The following PBX3 variants were observed in gnomAD, a reference collection of about 807,000 sequenced individuals.
The protein encoded by PBX3 is pre-B-cell leukemia transcription factor 3.
A neutral mutation model predicts 48.5 loss-of-function variants in PBX3; 14 were observed. The ratio of observed to expected loss-of-function variants is 0.29; its 90% CI spans 0.19 to 0.45. The LOEUF is 0.45. Ranked by LOEUF, PBX3 falls within the 20% of genes least tolerant of loss-of-function variation. The pLI is 1.00. For missense variants in PBX3, 386 were observed against 546.7 expected, an observed-to-expected ratio of 0.71 and a Z score of 2.93; for synonymous variants, 210 against 200.3, an observed-to-expected ratio of 1.05 and a Z score of -0.41.
chr9:125,882,334 A>G (rs1840401294), intron 2 of PBX3, among the ~76,000 whole-genome samples: 1 of 150,584 alleles, frequency 6.6e-6, no homozygotes, highest in Non-Finnish European at 1.5e-5. Context: ...TAGAAATCTA[A>G]TGTTACAGAG....
At chr9:125,872,201 A>C (rs1221671646) in intron 2 of PBX3, among the ~76,000 whole-genome samples, 1 of 152,240 alleles carries the variant, frequency 6.6e-6, no homozygotes, top group Non-Finnish European at 1.5e-5. Context: ...CAGGGCAAAT[A>C]GAAAGTATAA....
chr9:125,776,089 T>C (rs1182912627), intron 2 of PBX3, among the ~76,000 whole-genome samples: 1 of 152,234 alleles, frequency 6.6e-6, no homozygotes, highest in Non-Finnish European at 1.5e-5. Flanking sequence ...TTATTTCTTC[T>C]TCTTTCCTCA....
chr9:125,765,838 TTGTG>T (rs1836789437), intron 2 of PBX3, among the ~76,000 whole-genome samples: 1 of 152,226 alleles, frequency 6.6e-6, no homozygotes, highest in East Asian at 1.9e-4. Flanking sequence ...AAAGAAGAGT[TTGTG>T]TGGGTATAAG....
At chr9:125,854,528 G>A (rs1319939488) in intron 2 of PBX3, among the ~76,000 whole-genome samples, 1 of 152,112 alleles carries the variant, frequency 6.6e-6, no homozygotes, top group African/African-American at 2.4e-5. Context: ...AGAATTGTTA[G>A]TGAAAAGGCC....
intron 2 of PBX3, among the ~76,000 whole-genome samples, chr9:125,900,433 T>C (rs1292832718): frequency 6.6e-6 from 1 of 151,636 alleles, no homozygotes; most frequent in African/African-American, 2.4e-5. Flanking sequence ...GAATAGTGAA[T>C]TACCTTTAAG....
chr9:125,764,247 T>C (rs1020156760), intron 2 of PBX3, among the ~76,000 whole-genome samples: 6 of 152,236 alleles, frequency 3.9e-5, no homozygotes, highest in African/African-American at 1.4e-4. Context: ...TCAGCAGCTT[T>C]CTTAGCCATT....
At chr9:125,866,787 A>G (rs1391303341) in intron 2 of PBX3, among the ~76,000 whole-genome samples, 1 of 152,218 alleles carries the variant, frequency 6.6e-6, no homozygotes, top group Non-Finnish European at 1.5e-5. Flanking sequence ...AATGTCAACA[A>G]TGATTTTTCT....
At chr9:125,754,523 A>G (rs988918526) in intron 2 of PBX3, among the ~76,000 whole-genome samples, 13 of 152,248 alleles carry the variant, frequency 8.5e-5, no homozygotes, top group Non-Finnish European at 1.3e-4. Flanking sequence ...TGCTATATTT[A>G]GCAAATAATA....
intron 2 of PBX3, among the ~76,000 whole-genome samples, chr9:125,808,892 A>G (rs1368296516): frequency 1.3e-5 from 2 of 152,116 alleles, no homozygotes; most frequent in African/African-American, 2.4e-5. Context: ...ACTGTAACTC[A>G]TGTCTTAACG....
intron 7 of PBX3, 60 bp downstream of exon 7, chr9:125,962,274 T>C: frequency 1.1e-6 from 1 of 942,918 alleles, no homozygotes; most frequent in Non-Finnish European, 1.7e-6. Context: ...TCAAAACTCC[T>C]TCCTCTGACC....
chr9:125,780,906 C>T (rs531412243), intron 2 of PBX3, among the ~76,000 whole-genome samples: 1 of 144,850 alleles, frequency 6.9e-6, no homozygotes, highest in South Asian at 2.3e-4. Flanking sequence ...GGAGGGTCTC[C>T]TCACTTCTCA....
chr9:125,752,778 A>G lies in PBX3; in HGVS notation c.274+4155A>G, dbSNP rs76658583. On this transcript the variant is annotated intron_variant, in intron 2 of 8. Transcript: ENST00000373489. ...GCAAGAAAGGTGAAAATTGTTATAT[A>G]TTAGTCTAAATGTTATTATATATTT... 3.2e-3 allele frequency among the ~76,000 whole-genome samples: 485 copies of G among 152,314 alleles called. 3 individuals carry two copies. The highest frequency in any genetic ancestry group is 6.4e-3 in the African/African-American group (268 of 41,572).
intron 2 of PBX3, among the ~76,000 whole-genome samples, chr9:125,887,452 A>G (rs192014365): frequency 2.0e-5 from 3 of 152,312 alleles, no homozygotes; most frequent in Admixed American, 6.5e-5. Flanking sequence ...AAAATAAACT[A>G]TGGAATGCTG....
At chr9:125,902,615 A>G (rs548498617) in intron 2 of PBX3, among the ~76,000 whole-genome samples, 6 of 151,750 alleles carry the variant, frequency 4.0e-5, no homozygotes, top group Non-Finnish European at 7.4e-5. Context: ...ATTGATGAAA[A>G]TATTTCAATA....
intron 3 of PBX3, among the ~76,000 whole-genome samples, chr9:125,918,406 A>AT (rs1451695787): frequency 6.6e-6 from 1 of 152,146 alleles, no homozygotes; most frequent in Non-Finnish European, 1.5e-5. Context: ...TTGGCTTTTA[A>AT]AATATACATG....
At chr9:125,824,302 T>C (rs1395580487) in intron 2 of PBX3, among the ~76,000 whole-genome samples, 5 of 152,244 alleles carry the variant, frequency 3.3e-5, no homozygotes, top group Non-Finnish European at 5.9e-5. Flanking sequence ...TGTGAGTCTC[T>C]GTACCTGTTG....
intron 2 of PBX3, among the ~76,000 whole-genome samples, chr9:125,849,684 T>A (rs764667878): frequency 6.6e-6 from 1 of 151,950 alleles, no homozygotes; most frequent in Non-Finnish European, 1.5e-5. Context: ...TGATGAGTCT[T>A]AGATTTGATG....
At chr9:125,766,683 A>G (rs1460048443) in intron 2 of PBX3, among the ~76,000 whole-genome samples, 1 of 152,104 alleles carries the variant, frequency 6.6e-6, no homozygotes, top group African/African-American at 2.4e-5. Context: ...TTGACTCTCA[A>G]ATAAGTTCTT....
At chr9:125,822,391 T>C (rs1055759799) in intron 2 of PBX3, among the ~76,000 whole-genome samples, 3 of 152,170 alleles carry the variant, frequency 2.0e-5, no homozygotes, top group African/African-American at 7.2e-5. Context: ...TTTCCTCTTG[T>C]ACACAAGATC....
Sources: allele counts gnomAD v4.1 joint callset (sites outside exome capture counted in the v4.1 genomes callset), GRCh38; gene constraint gnomAD v4.1.1; transcripts MANE v1.5; gene names NCBI Gene and HGNC (gene_info 2026-07-23, HGNC 2026-07-21).